FSD1L: variants seen among roughly 807,000 people sequenced by gnomAD.
The protein encoded by FSD1L is fibronectin type III and SPRY domain containing 1 like, also known as FSD1-like protein.
FSD1L carries 45 observed loss-of-function variants against 71.6 expected under a neutral mutation model. The ratio of observed to expected loss-of-function variants is 0.63; its 90% confidence interval spans 0.49 to 0.81. The LOEUF is 0.81. Ranked by LOEUF, FSD1L falls within the 30% of genes least tolerant of loss-of-function variation. FSD1L has a pLI of 0.00. For missense variants in FSD1L, 561 were observed against 618.1 expected, an observed-to-expected ratio of 0.91 and a Z score of 0.98; for synonymous variants, 197 against 207.2, an observed-to-expected ratio of 0.95 and a Z score of 0.42.
At chr9:105,541,933 T>C (rs1361273685) in intron 13 of FSD1L, among the ~76,000 whole-genome samples, 2 of 152,220 alleles carry the variant, frequency 1.3e-5, no homozygotes, top group Non-Finnish European at 2.9e-5. Flanking sequence ...AATTCATCCA[T>C]GTTGTTGTGG....
chr9:105,482,462 C>G (rs1832270789), intron 6 of FSD1L, among the ~76,000 whole-genome samples: 1 of 151,944 alleles, frequency 6.6e-6, no homozygotes, highest in African/African-American at 2.4e-5. Flanking sequence ...AAATCAGGAG[C>G]GAAGGATCCT....
rs1395579183 is a variant in FSD1L at position 105,548,306 on chromosome 9, T to C, written c.*1823T>C. The C allele has an allele frequency of 6.6e-6, 1 of 152,374 alleles. No individual in the cohort carries two copies. The highest frequency in any genetic ancestry group is 1.5e-5 in the Non-Finnish European group (1 of 67,990). 9.4% of individuals were successfully genotyped at this position (152,374 alleles called of 1,614,324 possible). A position where few individuals can be genotyped will look rare whatever the true frequency, so the allele number is the denominator to read the frequency against. ...GATCTAAATGAATGGGAATTTATAATTCCTTTCATAGACTCAAACCTGAAA... is the reference window on the plus strand; with the variant it reads ...GATCTAAATGAATGGGAATTTATAACTCCTTTCATAGACTCAAACCTGAAA... On this transcript the variant is annotated 3_prime_UTR_variant, in exon 14 of 14. Coordinates refer to ENST00000481272, the MANE Select transcript of FSD1L (RefSeq NM_001145313.3).
upstream of FSD1L, among the ~76,000 whole-genome samples, chr9:105,446,150 T>C (rs1829639359): frequency 6.6e-6 from 1 of 152,138 alleles, no homozygotes; most frequent in Non-Finnish European, 1.5e-5. Context: ...TGTGGAGATG[T>C]AATGACAACA....
chr9:105,452,711 C>CTTCCTTCCTTCCTTCCTTCCTTCCTTCT (rs1564073534), intron 1 of FSD1L, among the ~76,000 whole-genome samples: 1 of 148,928 alleles, frequency 6.7e-6, no homozygotes, highest in African/African-American at 2.5e-5. Flanking sequence ...TCCTTCCTTC[C>CTTCCTTCCTTCCTTCCTTCCTTCCTTCT]TTCCTTCTTT....
chr9:105,454,520 C>T (rs1383077265), intron 1 of FSD1L, among the ~76,000 whole-genome samples: 7 of 152,194 alleles, frequency 4.6e-5, no homozygotes, highest in Non-Finnish European at 1.0e-4. Context: ...TACATATTGT[C>T]AAGTTGCCCT....
At chr9:105,500,731 C>G (rs1218317931) in intron 7 of FSD1L, 1 of 152,172 alleles carries the variant, frequency 6.6e-6, no homozygotes, top group Non-Finnish European at 1.5e-5. Context: ...CTCCTTGGAG[C>G]TGGACTCTCA....
intron 7 of FSD1L, among the ~76,000 whole-genome samples, chr9:105,501,621 T>G (rs1380892730): frequency 6.8e-6 from 1 of 147,798 alleles, no homozygotes; most frequent in East Asian, 2.0e-4. Context: ...TTTGCAGAGA[T>G]AGAGATCTCA....
intron 13 of FSD1L, 75 bp from the exon 14 acceptor site, chr9:105,546,283 T>C: frequency 7.1e-7 from 1 of 1,411,062 alleles, no homozygotes; most frequent in South Asian, 1.5e-5. Flanking sequence ...CATTTTGCCT[T>C]TGAAATGGAA....
intron 13 of FSD1L, among the ~76,000 whole-genome samples, chr9:105,544,571 A>C (rs961903950): frequency 2.0e-5 from 3 of 152,108 alleles, no homozygotes; most frequent in South Asian, 2.1e-4. Flanking sequence ...TCTAACATTT[A>C]AGTCTTTAAT....
At chr9:105,516,000 C>T (rs1834695671) in intron 10 of FSD1L, among the ~76,000 whole-genome samples, 1 of 152,152 alleles carries the variant, frequency 6.6e-6, no homozygotes, top group African/African-American at 2.4e-5. Flanking sequence ...GACGCTATAG[C>T]TTGGTCGGGG....
chr9:105,506,591 C>T lies in FSD1L; in HGVS notation c.779C>T (p.Thr260Ile), dbSNP rs755384711. ...CWEIIDNIKG[T>I]EYTLSGLKFD... ...GAGATAATTGATAATATTAAGGGTA[C>T]TGAATATACACTATCAGGTAACATG... Residue 260 changes from threonine to isoleucine, a missense_variant, in exon 8 of 14, where the codon ACT becomes ATT. Physicochemically the swap from Thr to Ile is moderately conservative, Grantham distance 89. Around this residue, in one of 3 missense-constraint regions of FSD1L, gnomAD observed 410 missense variants for 413.5 expected, o/e 0.99. Coordinates refer to ENST00000481272, the MANE Select transcript of FSD1L (RefSeq NM_001145313.3). The T allele has an allele frequency of 2.6e-5, 40 of 1,545,346 alleles. No individual in the cohort carries two copies. The highest frequency in any genetic ancestry group is 3.2e-5 in the Non-Finnish European group (36 of 1,141,628).
chr9:105,489,245 C>G (rs1832758984), intron 7 of FSD1L, among the ~76,000 whole-genome samples: 1 of 151,992 alleles, frequency 6.6e-6, no homozygotes, highest in Non-Finnish European at 1.5e-5. Flanking sequence ...CTACATATGC[C>G]TTTTTTGGGG....
At chr9:105,503,048 T>C (rs1833860743) in intron 7 of FSD1L, among the ~76,000 whole-genome samples, 1 of 151,214 alleles carries the variant, frequency 6.6e-6, no homozygotes, top group South Asian at 2.1e-4. Context: ...CCCAACTAAA[T>C]TTTTCTGATT....
intron 7 of FSD1L, among the ~76,000 whole-genome samples, chr9:105,490,345 T>C (rs1427982505): frequency 6.6e-6 from 1 of 152,108 alleles, no homozygotes; most frequent in African/African-American, 2.4e-5. Flanking sequence ...CACTTTTTGA[T>C]GGAGTTGTTT....
At chr9:105,546,152 C>T (rs1589123359) in intron 13 of FSD1L, among the ~76,000 whole-genome samples, 1 of 152,056 alleles carries the variant, frequency 6.6e-6, no homozygotes, top group Admixed American at 6.6e-5. Flanking sequence ...GGTTCTGCTA[C>T]CACCAAGACC....
Position 105,547,315 on chromosome 9 carries a change from G to C in FSD1L, c.*832G>C, listed in dbSNP as rs1341649092. 1 of 151,518 alleles carries C rather than the reference G, an allele frequency of 6.6e-6. No homozygotes were observed. Among genetic ancestry groups the C allele is most frequent in the Non-Finnish European group, 1.5e-5 (1 of 67,640 alleles). The allele number at this position is 151,518 out of a possible 1,614,324, so 9.4% of individuals were successfully genotyped here. A position where few individuals can be genotyped will look rare whatever the true frequency, so the allele number is the denominator to read the frequency against. On this transcript the variant is annotated 3_prime_UTR_variant, in exon 14 of 14. Coordinates refer to ENST00000481272, the MANE Select transcript of FSD1L (RefSeq NM_001145313.3). ...GTTGTGTTTGGTAAAATTCCCACTT[G>C]AATGTGACACTGATAATAATTATGC...
intron 6 of FSD1L, among the ~76,000 whole-genome samples, chr9:105,480,926 A>T (rs1276618109): frequency 6.6e-6 from 1 of 152,142 alleles, no homozygotes; most frequent in Non-Finnish European, 1.5e-5. Flanking sequence ...TCCTTTTTTC[A>T]AGATTCTATA....
intron 10 of FSD1L, among the ~76,000 whole-genome samples, chr9:105,517,361 G>A (rs1471315129): frequency 6.6e-6 from 1 of 152,136 alleles, no homozygotes; most frequent in Non-Finnish European, 1.5e-5. Flanking sequence ...GCAACCCCAA[G>A]AAACCTAATT....
upstream of FSD1L, among the ~76,000 whole-genome samples, chr9:105,443,769 TAAA>T (rs1226696942): frequency 4.0e-5 from 6 of 151,494 alleles, no homozygotes; most frequent in African/African-American, 1.5e-4. Flanking sequence ...ATGTCTCTGT[TAAA>T]AAAAAATCAG....
Sources: allele counts gnomAD v4.1 joint callset (sites outside exome capture counted in the v4.1 genomes callset), GRCh38; gene constraint gnomAD v4.1.1; regional missense constraint gnomAD v4.1.1; transcripts MANE v1.5; gene names NCBI Gene and HGNC (gene_info 2026-07-23, HGNC 2026-07-21).